The following ABRAXAS2 variants were observed in gnomAD, a reference collection of about 807,000 sequenced individuals.
ABRAXAS2 encodes BRISC complex subunit Abraxas 2.
In ABRAXAS2, 23 loss-of-function variants were observed where a neutral mutation model predicts 49.0. The observed-to-expected ratio is 0.47, with a 90% CI of 0.34 to 0.66. The LOEUF (loss-of-function observed/expected upper bound fraction) is 0.66, where lower values mean the gene tolerates loss of function less well. Among genes scored for constraint, ABRAXAS2 ranks in the 30% least tolerant of loss-of-function variants. ABRAXAS2 has a pLI of 0.01. For synonymous variants in ABRAXAS2, 168 were observed against 180.2 expected (o/e 0.93, Z 0.54); for missense variants, 443 against 511.9 (o/e 0.87, Z 1.30).
chr10:124,834,518 G>A lies in ABRAXAS2; in HGVS notation c.795G>A (p.Val265=), dbSNP rs761176243. ...TTCATCCAGGATTGCAGCAGGCAGT[G>A]TTAAGCAGACAGATGCCGTCTGAAA... ...KEQERRLQQA[V]LSRQMPSESL... Residue 265 remains valine, a synonymous_variant, in exon 9 of 9, where the codon GTG becomes GTA. Coordinates refer to ENST00000298492, the MANE Select transcript of ABRAXAS2 (RefSeq NM_032182.4). The A allele has an allele frequency of 9.3e-6, 15 of 1,613,850 alleles. No homozygotes were observed. In the South Asian group the frequency reaches 1.6e-4, roughly 18 times the overall value.
At chr10:124,818,894 G>A (rs889905421) in intron 3 of ABRAXAS2, among the ~76,000 whole-genome samples, 5 of 152,152 alleles carry the variant, frequency 3.3e-5, no homozygotes, top group Non-Finnish European at 5.9e-5. Context: ...ATGAAACTGG[G>A]AATAAAACTT....
At chr10:124,828,987 A>T in intron 6 of ABRAXAS2, 112 bp downstream of exon 6, 1 of 1,050,916 alleles carries the variant, frequency 9.5e-7, no homozygotes, top group Non-Finnish European at 1.4e-6. Flanking sequence ...TATGATTAAA[A>T]TTGAAGAATA....
intron 2 of ABRAXAS2, 139 bp from the exon 3 acceptor site, chr10:124,816,437 C>T (rs1162738737): frequency 3.2e-6 from 2 of 626,376 alleles, no homozygotes; most frequent in South Asian, 2.0e-5. Context: ...GACTGGTGTA[C>T]ATGTAGCAAC....
intron 2 of ABRAXAS2, among the ~76,000 whole-genome samples, chr10:124,812,681 T>A (rs1950798020): frequency 6.6e-6 from 1 of 151,896 alleles, no homozygotes; most frequent in Non-Finnish European, 1.5e-5. Flanking sequence ...AAGCATAAAC[T>A]GGGAACTTTG....
chr10:124,810,451 G>A (rs1022009905), intron 2 of ABRAXAS2, among the ~76,000 whole-genome samples: 2 of 152,164 alleles, frequency 1.3e-5, no homozygotes, highest in East Asian at 1.9e-4. Flanking sequence ...GCTTGAGCCC[G>A]AAAGTTTGAG....
At chr10:124,813,374 T>A (rs1950803290) in intron 2 of ABRAXAS2, among the ~76,000 whole-genome samples, 1 of 152,164 alleles carries the variant, frequency 6.6e-6, no homozygotes, top group African/African-American at 2.4e-5. Context: ...AATGAGGTGA[T>A]GCAGTAACAA....
In ABRAXAS2 at chr10:124,835,618, C is replaced by T. The variant is rs1159621217; in HGVS notation, c.*647C>T. The T allele has an allele frequency of 6.6e-6, 1 of 152,242 alleles. No homozygotes were observed. Among genetic ancestry groups the T allele is most frequent in the African/African-American group, 2.4e-5 (1 of 41,354 alleles). The allele number at this position is 152,242 out of a possible 1,614,324, so 9.4% of individuals were successfully genotyped here. ...AAAAAAAAAGTAGAGATACTAATTACCAGTAAGTAATCATCCAAATAAATA... is the reference window on the plus strand; with the variant it reads ...AAAAAAAAAGTAGAGATACTAATTATCAGTAAGTAATCATCCAAATAAATA... On this transcript the variant is annotated 3_prime_UTR_variant, in exon 9 of 9. Transcript: ENST00000298492.
chr10:124,817,332 A>T (rs1489219642), intron 3 of ABRAXAS2, among the ~76,000 whole-genome samples: 1 of 152,202 alleles, frequency 6.6e-6, no homozygotes, highest in East Asian at 1.9e-4. Flanking sequence ...GAGAAAGCAT[A>T]CAACAGAGAG....
At chr10:124,817,862 T>C (rs1352577917) in intron 3 of ABRAXAS2, among the ~76,000 whole-genome samples, 4 of 152,242 alleles carry the variant, frequency 2.6e-5, no homozygotes, top group Non-Finnish European at 5.9e-5. Flanking sequence ...GATTTACACA[T>C]AAGCAAAACA....
chr10:124,806,439 C>T (rs1564917901), intron 1 of ABRAXAS2, among the ~76,000 whole-genome samples: 1 of 152,034 alleles, frequency 6.6e-6, no homozygotes. Flanking sequence ...TTACCTTTAT[C>T]TTTTCATCAT....
intron 2 of ABRAXAS2, among the ~76,000 whole-genome samples, chr10:124,809,697 C>T (rs565934300): frequency 6.6e-6 from 1 of 152,098 alleles, no homozygotes; most frequent in African/African-American, 2.4e-5. Flanking sequence ...CAGCCCATGG[C>T]AGCTTTGAAT....
intron 8 of ABRAXAS2, among the ~76,000 whole-genome samples, chr10:124,831,696 C>G (rs1453499269): frequency 6.6e-6 from 1 of 152,020 alleles, no homozygotes; most frequent in Non-Finnish European, 1.5e-5. Context: ...GGTAGAAAAG[C>G]TGAAGTGGAA....
chr10:124,828,710 G>A (rs1353510053), intron 5 of ABRAXAS2, 46 bp from the exon 6 acceptor site: 1 of 1,568,766 alleles, frequency 6.4e-7, no homozygotes, highest in Admixed American at 1.7e-5. Flanking sequence ...ACTTGAATAT[G>A]ATAGAATGGT....
intron 1 of ABRAXAS2, 132 bp downstream of exon 1, chr10:124,802,033 C>T (rs1950708371): frequency 6.0e-6 from 5 of 833,738 alleles, no homozygotes; most frequent in East Asian, 2.9e-5. Flanking sequence ...AGCTGGTGAC[C>T]CGGGCGGCTC....
chr10:124,828,778 G>A lies in ABRAXAS2; in HGVS notation c.481G>A (p.Ala161Thr), dbSNP rs1233255087. Residue 161 changes from alanine (A) to threonine (T), a missense_variant, in exon 6 of 9, where the codon GCT (alanine) becomes ACT (threonine). Physicochemically the swap from Ala to Thr is moderately conservative, Grantham distance 58. Around this residue, in one of 3 missense-constraint regions of ABRAXAS2, gnomAD observed 166 missense variants for 247.3 expected, o/e 0.67. Coordinates refer to ENST00000298492, the MANE Select transcript of ABRAXAS2 (RefSeq NM_032182.4). Reference sequence around the variant, plus strand: ...TAGGTATAATCAGAGGATATCACTCGCTATTCCCAATCTAGGAAATACTAG... The same window carrying A: ...TAGGTATAATCAGAGGATATCACTCACTATTCCCAATCTAGGAAATACTAG... ...NRRYNQRISL[A>T]IPNLGNTSQQ... The A allele has an allele frequency of 3.7e-6, 6 of 1,612,900 alleles. No individual in the cohort carries two copies. The highest frequency in any genetic ancestry group is 1.7e-5 in the Admixed American group (1 of 59,978).
Position 124,835,279 on chromosome 10 carries a change from T to C in ABRAXAS2, c.*308T>C, listed in dbSNP as rs951120840. 9.2e-6 allele frequency: 2 copies of C among 217,340 alleles called. No homozygotes were observed. Among genetic ancestry groups the C allele is most frequent in the Admixed American group, 5.3e-5 (1 of 19,026 alleles). The allele number at this position is 217,340 out of a possible 1,614,324, so 13.5% of individuals were successfully genotyped here. ...GTAGTTTCTGTTCTTTAAAATAAAT[T>C]GGAAATTAGAGACTAAGCACAATTA... On this transcript the variant is annotated 3_prime_UTR_variant, in exon 9 of 9. Coordinates refer to ENST00000298492, the MANE Select transcript of ABRAXAS2 (RefSeq NM_032182.4).
chr10:124,805,340 C>CAAA (rs918638865), intron 1 of ABRAXAS2, among the ~76,000 whole-genome samples: 2 of 84,776 alleles, frequency 2.4e-5, no homozygotes, highest in Non-Finnish European at 2.6e-5. Context: ...GACTCCGTCT[C>CAAA]AAAAAAAAAA....
Position 124,816,558 on chromosome 10 carries a change from T to C in ABRAXAS2, c.164-18T>C. 6.3e-7 allele frequency: 1 copy of C among 1,580,570 alleles called. No individual in the cohort carries two copies. The highest frequency in any genetic ancestry group is 8.7e-7 in the Non-Finnish European group (1 of 1,151,726). On this transcript the variant is annotated intron_variant, in intron 2 of 8. Coordinates refer to ENST00000298492, the MANE Select transcript of ABRAXAS2 (RefSeq NM_032182.4). ...CTTACATGATTAACTAAGATGTATT[T>C]CCTCTTTCTAATTACAGAAATCCAT...
chr10:124,803,558 C>G (rs1220896594), intron 1 of ABRAXAS2, among the ~76,000 whole-genome samples: 1 of 152,166 alleles, frequency 6.6e-6, no homozygotes, highest in African/African-American at 2.4e-5. Flanking sequence ...AGCAACTATT[C>G]AACTCTGCTA....
Sources: gnomAD v4.1 joint callset for allele counts (sites outside exome capture counted in the v4.1 genomes callset) on GRCh38, gnomAD v4.1.1 for gene constraint, gnomAD v4.1.1 regional missense constraint, MANE v1.5 for transcripts, NCBI Gene and HGNC (gene_info 2026-07-23, HGNC 2026-07-21) for gene names.